GDPD4: variants seen among roughly 807,000 people sequenced by gnomAD.
GDPD4 encodes the protein glycerophosphodiester phosphodiesterase 6.
In GDPD4, 60 loss-of-function variants were observed where a neutral mutation model predicts 67.8. The ratio of observed to expected loss-of-function variants is 0.88; its 90% CI spans 0.72 to 1.10. GDPD4 has a LOEUF of 1.10. Ranked by LOEUF, GDPD4 falls within the 50% of genes least tolerant of loss-of-function variation. The probability of loss-of-function intolerance (pLI) is 0.00; values close to 1 mark genes in which losing one functional copy is unlikely to be tolerated. For missense variants in GDPD4, 623 were observed against 613.9 expected (o/e 1.01, Z -0.16); for synonymous variants, 212 against 210.9 (o/e 1.00, Z -0.04).
intron 3 of GDPD4, among the ~76,000 whole-genome samples, chr11:77,281,462 T>C (rs1354584380): frequency 6.6e-6 from 1 of 152,200 alleles, no homozygotes; most frequent in Non-Finnish European, 1.5e-5. Flanking sequence ...AATTCTGCTC[T>C]TTCTAGCTAA....
intron 16 of GDPD4, among the ~76,000 whole-genome samples, chr11:77,225,388 C>T (rs1228171738): frequency 1.3e-5 from 2 of 151,398 alleles, no homozygotes; most frequent in East Asian, 3.9e-4. Context: ...AGTGGTGGAG[C>T]AGAGGCAGAA....
chr11:77,287,059 G>C (rs1049906725), intron 2 of GDPD4, 159 bp downstream of exon 2: 4 of 152,234 alleles, frequency 2.6e-5, no homozygotes, highest in Non-Finnish European at 4.4e-5. Context: ...GCAAGTACAT[G>C]TTTCAGTAAG....
chr11:77,286,760 C>T (rs1264920244), intron 2 of GDPD4, among the ~76,000 whole-genome samples: 1 of 152,236 alleles, frequency 6.6e-6, no homozygotes, highest in Admixed American at 6.5e-5. Context: ...AGAGTTCTTC[C>T]TCAGGGAAAA....
chr11:77,219,640 T>C (rs1436324067), intron 16 of GDPD4, among the ~76,000 whole-genome samples: 1 of 152,246 alleles, frequency 6.6e-6, no homozygotes, highest in Non-Finnish European at 1.5e-5. Flanking sequence ...AGGGAATCCT[T>C]TCCCCATTTC....
chr11:77,243,646 G>A (rs1219416866), intron 13 of GDPD4, 48 bp downstream of exon 13: 1 of 1,490,550 alleles, frequency 6.7e-7, no homozygotes, highest in Admixed American at 1.7e-5. Context: ...TGTGTATTTT[G>A]TGTAAGTAAG....
chr11:77,286,205 T>C (rs1171489034), intron 2 of GDPD4, among the ~76,000 whole-genome samples: 1 of 152,120 alleles, frequency 6.6e-6, no homozygotes, highest in East Asian at 1.9e-4. Context: ...TCTTCCACCA[T>C]CCCCAATTCT....
intron 13 of GDPD4, among the ~76,000 whole-genome samples, chr11:77,237,015 GTCTT>G (rs936471060): frequency 1.1e-4 from 16 of 152,222 alleles, no homozygotes; most frequent in East Asian, 9.7e-4. Flanking sequence ...TCCTGTTTAA[GTCTT>G]TCTTTATTAC....
At position 77,243,746 on chromosome 11, in the gene GDPD4, TGTTTTTAGCAAGG is replaced by T; in HGVS notation, c.1176_1188del (p.Leu393IlefsTer4). 6.2e-7 allele frequency: 1 copy of T among 1,612,720 alleles called. No individual in the cohort carries two copies. The highest frequency in any genetic ancestry group is 8.5e-7 in the Non-Finnish European group (1 of 1,178,704). On this transcript the variant is annotated frameshift_variant, in exon 13 of 17. Coordinates refer to ENST00000315938, the MANE Select transcript of GDPD4 (RefSeq NM_182833.3). LOFTEE classifies it high-confidence loss of function. ...TAGTCAACATTTATTATACTGATAT[TGTTTTTAGCAAGG>T]GTTTCAATGGATACTAAACGGCCCA... is the stretch of plus-strand genomic sequence containing the variant.
intron 13 of GDPD4, among the ~76,000 whole-genome samples, chr11:77,235,016 T>TTTTTTTTTTG (rs1958528448): frequency 8.4e-6 from 1 of 119,178 alleles, no homozygotes; most frequent in Non-Finnish European, 1.8e-5. Flanking sequence ...TCTGTTTTTT[T>TTTTTTTTTTG]TTTTTTTTTT....
intron 13 of GDPD4, among the ~76,000 whole-genome samples, chr11:77,235,111 T>C (rs987448260): frequency 3.3e-5 from 5 of 150,596 alleles, no homozygotes; most frequent in African/African-American, 1.2e-4. Flanking sequence ...ATCTCTCTGA[T>C]GATTAGTGAT....
In GDPD4 at chr11:77,285,149, C is replaced by G; in HGVS notation, c.-12G>C. The stretch of plus-strand genomic sequence containing the variant: ...AGGAACAGCAACATCAGAGACAAGA[C>G]AAATGAAATTACCAGGCACGGCAAA... On this transcript the variant is annotated 5_prime_UTR_variant, in exon 3 of 17. Coordinates refer to ENST00000315938, the MANE Select transcript of GDPD4 (RefSeq NM_182833.3). 1 of 1,606,698 alleles carries G rather than the reference C, an allele frequency of 6.2e-7. No homozygotes were observed. Among genetic ancestry groups the G allele is most frequent in the Non-Finnish European group, 8.5e-7 (1 of 1,174,112 alleles).
Position 77,268,968 on chromosome 11 carries a change from A to G in GDPD4, c.580T>C (p.Leu194=). Residue 194 remains leucine, a synonymous_variant, in exon 9 of 17, where the codon TTG becomes CTG. Coordinates refer to ENST00000315938, the MANE Select transcript of GDPD4 (RefSeq NM_182833.3). ...CCAAAGATGGTTGGCTTGGGCCCCA[A>G]ATTCTCCTTCTCCTGAATGCAGGGA... ...YSPCIQEKEN[L]GPKPTIFGHR... is the part of the protein sequence containing the mutation. 14 of 1,614,146 alleles carry G rather than the reference A, an allele frequency of 8.7e-6. No homozygotes were observed. The highest frequency in any genetic ancestry group is 2.2e-5 in the South Asian group (2 of 91,072).
chr11:77,242,280 T>C (rs948227737), intron 13 of GDPD4, among the ~76,000 whole-genome samples: 5 of 152,224 alleles, frequency 3.3e-5, no homozygotes, highest in Admixed American at 6.5e-5. Context: ...CCTATAAATA[T>C]ATACAGTTAT....
At chr11:77,290,011 C>T (rs1937720061) in intron 1 of GDPD4, among the ~76,000 whole-genome samples, 1 of 152,116 alleles carries the variant, frequency 6.6e-6, no homozygotes, top group Non-Finnish European at 1.5e-5. Context: ...GAAAACTTCC[C>T]AAGTCTTACA....
At chr11:77,220,193 CTTTA>C (rs1310463921) in intron 16 of GDPD4, among the ~76,000 whole-genome samples, 3 of 152,172 alleles carry the variant, frequency 2.0e-5, no homozygotes, top group Non-Finnish European at 2.9e-5. Flanking sequence ...ATTGAATACC[CTTTA>C]TTTCTTTCTC....
chr11:77,243,869 T>G, intron 12 of GDPD4, 21 bp from the exon 13 acceptor site: 1 of 1,595,684 alleles, frequency 6.3e-7, no homozygotes. Flanking sequence ...AAACAAGAAG[T>G]CCCTCAGTAG....
intron 13 of GDPD4, among the ~76,000 whole-genome samples, chr11:77,242,368 A>C (rs1958684891): frequency 6.6e-6 from 1 of 152,234 alleles, no homozygotes; most frequent in Non-Finnish European, 1.5e-5. Flanking sequence ...CAAATAAAAC[A>C]GAGGGCAATT....
intron 13 of GDPD4, among the ~76,000 whole-genome samples, chr11:77,234,257 C>T (rs1192829393): frequency 2.0e-5 from 3 of 151,998 alleles, no homozygotes. Flanking sequence ...CCAATCCCTG[C>T]AGATAAAGAT....
At chr11:77,228,995 A>G (rs1225584000) in intron 15 of GDPD4, among the ~76,000 whole-genome samples, 155 bp downstream of exon 15, 2 of 152,212 alleles carry the variant, frequency 1.3e-5, no homozygotes, top group African/African-American at 4.8e-5. Context: ...AAGGGGTGTG[A>G]GGAACTGCAG....
Sources: allele counts gnomAD v4.1 joint callset (sites outside exome capture counted in the v4.1 genomes callset), GRCh38; gene constraint gnomAD v4.1.1; transcripts MANE v1.5; gene names NCBI Gene and HGNC (gene_info 2026-07-23, HGNC 2026-07-21).